The following MCM5 variants were observed in gnomAD, a reference collection of about 807,000 sequenced individuals.
The protein encoded by MCM5 is minichromosome maintenance complex component 5.
In MCM5, 46 loss-of-function variants were observed where a neutral mutation model predicts 79.9. The ratio of observed to expected loss-of-function variants is 0.58; its 90% confidence interval spans 0.45 to 0.74. The LOEUF (loss-of-function observed/expected upper bound fraction) is 0.74. MCM5 is among the 30% of genes least tolerant of loss of function. MCM5 has a pLI of 0.00. For synonymous variants in MCM5, 404 were observed against 390.5 expected, an observed-to-expected ratio of 1.03 and a Z score of -0.41; for missense variants, 883 against 1,017.0, an observed-to-expected ratio of 0.87 and a Z score of 1.79.
chr22:35,437,148 T>A, the MCM5 span, among the ~76,000 whole-genome samples: 1 of 152,130 alleles, frequency 6.6e-6, no homozygotes, highest in East Asian at 1.9e-4. Context: ...TTACAGGAAG[T>A]GCCCATGGCT....
chr22:35,408,800 A>T (rs1295469188), intron 6 of MCM5, among the ~76,000 whole-genome samples: 1 of 152,166 alleles, frequency 6.6e-6, no homozygotes, highest in Non-Finnish European at 1.5e-5. Flanking sequence ...TAACTTGGAG[A>T]GATTAAATGA....
At chr22:35,416,047 A>G in intron 10 of MCM5, 75 bp downstream of exon 10, 3 of 1,543,556 alleles carry the variant, frequency 1.9e-6, no homozygotes, top group Non-Finnish European at 1.8e-6. Context: ...CTCAGCCAGC[A>G]GAAATCACCT....
chr22:35,454,160 C>T, the MCM5 span, among the ~76,000 whole-genome samples: 1 of 152,044 alleles, frequency 6.6e-6, no homozygotes, highest in Admixed American at 6.5e-5. Flanking sequence ...CTTCTTTCTG[C>T]TTCCCTCCTC....
the MCM5 span, among the ~76,000 whole-genome samples, chr22:35,451,539 G>A: frequency 1.3e-5 from 2 of 152,222 alleles, no homozygotes; most frequent in African/African-American, 2.4e-5. Flanking sequence ...GACGGGCCTC[G>A]AGCCTGGCAG....
chr22:35,421,618 C>G, intron 15 of MCM5, 158 bp downstream of exon 15: 1 of 905,714 alleles, frequency 1.1e-6, no homozygotes, highest in East Asian at 2.5e-5. Flanking sequence ...AGACCCCTCT[C>G]CTCCTTTCTC....
chr22:35,452,077 A>T, the MCM5 span, among the ~76,000 whole-genome samples: 1 of 152,038 alleles, frequency 6.6e-6, no homozygotes, highest in East Asian at 1.9e-4. Flanking sequence ...CCCCTCATCC[A>T]TGTGTAAAAA....
At chr22:35,453,836 A>AGAGAGAGAGAGG in the MCM5 span, among the ~76,000 whole-genome samples, 1 of 150,122 alleles carries the variant, frequency 6.7e-6, no homozygotes, top group African/African-American at 2.5e-5. Context: ...AGAGAGAGAG[A>AGAGAGAGAGAGG]GAGAGAGAGA....
chr22:35,444,682 A>T, the MCM5 span, among the ~76,000 whole-genome samples: 2 of 152,172 alleles, frequency 1.3e-5, no homozygotes, highest in East Asian at 3.8e-4. Flanking sequence ...CGTGATAATA[A>T]TGATGACGTT....
intron 15 of MCM5, 141 bp from the exon 16 acceptor site, chr22:35,423,073 A>T: frequency 5.9e-6 from 5 of 848,698 alleles, no homozygotes; most frequent in Non-Finnish European, 8.9e-6. Context: ...GGCCTGCACC[A>T]CCCTGGCACA....
At chr22:35,423,754 C>G (rs1181991127) in intron 16 of MCM5, 2 of 210,316 alleles carry the variant, frequency 9.5e-6, no homozygotes, top group Admixed American at 1.2e-4. Context: ...TTCCCAGATG[C>G]TCTGGAAAAC....
rs1932276730 is a variant in MCM5 at position 35,408,297 on chromosome 22, C to T, written c.597-111C>T. 4.2e-6 allele frequency: 4 copies of T among 943,334 alleles called. No individual in the cohort carries two copies. The South Asian group carries it at 6.6e-5, about 16-fold the overall frequency. The allele number at this position is 943,334 out of a possible 1,614,324, so 58.4% of individuals were successfully genotyped here. A position where few individuals can be genotyped will look rare whatever the true frequency, so the allele number is the denominator to read the frequency against. The stretch of plus-strand genomic sequence containing the variant: ...GCTTATCTCCAGCTTATTCTGGAGA[C>T]CCCCATAAATTGCCGCTGGCAACGT... On this transcript the variant is annotated intron_variant, in intron 5 of 16. Coordinates refer to ENST00000216122, the MANE Select transcript of MCM5 (RefSeq NM_006739.4).
the MCM5 span, among the ~76,000 whole-genome samples, chr22:35,436,007 C>CA: frequency 6.7e-4 from 102 of 151,562 alleles, no homozygotes; most frequent in East Asian, 0.018. Flanking sequence ...TCTCTACTAA[C>CA]AATACAAAAA....
the MCM5 span, among the ~76,000 whole-genome samples, chr22:35,453,819 T>TATATATATATATAG: frequency 5.4e-4 from 44 of 81,544 alleles, no homozygotes; most frequent in Non-Finnish European, 7.8e-4. Flanking sequence ...TATATATATA[T>TATATATATATATAG]AGAGAGAGAG....
At chr22:35,406,823 G>T in intron 5 of MCM5, 98 bp downstream of exon 5, 3 of 1,280,154 alleles carry the variant, frequency 2.3e-6, no homozygotes, top group Non-Finnish European at 3.3e-6. Context: ...TGCTTCTAGA[G>T]ATCCACTGGG....
chr22:35,415,054 C>CT (rs1270175244), intron 9 of MCM5, among the ~76,000 whole-genome samples: 1 of 152,058 alleles, frequency 6.6e-6, no homozygotes, highest in Non-Finnish European at 1.5e-5. Context: ...CTCAGATTGT[C>CT]TAACAGCCAC....
chr22:35,444,198 A>G, the MCM5 span, among the ~76,000 whole-genome samples: 118,908 of 150,450 alleles, frequency 0.79, 47,573 homozygotes, highest in African/African-American at 0.88. Context: ...GAACAGAGAA[A>G]AGAGAGAGGA....
At position 35,419,434 on chromosome 22, in the gene MCM5, C is replaced by T. The variant is rs919716971; in HGVS notation, c.1704-450C>T. ...CTGGACTGCAGTCACCGCCAAGCCT[C>T]CTGTGGGTGTCATCAGCTTGTCGTG... On this transcript the variant is annotated intron_variant, in intron 13 of 16. Coordinates refer to ENST00000216122, the MANE Select transcript of MCM5 (RefSeq NM_006739.4). 2.6e-5 allele frequency among the ~76,000 whole-genome samples: 4 copies of T among 152,290 alleles called. No individual in the cohort carries two copies. The East Asian group carries it at 7.7e-4, about 29-fold the overall frequency.
the MCM5 span, among the ~76,000 whole-genome samples, chr22:35,449,637 T>C: frequency 1.3e-5 from 2 of 152,200 alleles, no homozygotes; most frequent in African/African-American, 4.8e-5. Flanking sequence ...TGCTGTGGCC[T>C]CTGTGCCCCC....
At chr22:35,448,895 G>C in the MCM5 span, among the ~76,000 whole-genome samples, 6 of 152,130 alleles carry the variant, frequency 3.9e-5, no homozygotes, top group African/African-American at 1.4e-4. Context: ...GTCCCATGGT[G>C]GTGGCAGACG....
Sources: gnomAD v4.1 joint callset for allele counts (sites outside exome capture counted in the v4.1 genomes callset) on GRCh38, gnomAD v4.1.1 for gene constraint, MANE v1.5 for transcripts, NCBI Gene and HGNC (gene_info 2026-07-23, HGNC 2026-07-21) for gene names.